Variants in TFF1 observed in about 807,000 individuals in gnomAD.
The protein encoded by TFF1 is trefoil factor 1.
In TFF1, 8 loss-of-function variants were observed where a neutral mutation model predicts 7.7. The observed-to-expected ratio is 1.04, with a 90% confidence interval of 0.61 to 1.87. The LOEUF is 1.87. TFF1 is among the 40% of genes most tolerant of loss of function. The pLI is 0.00. For missense variants in TFF1, 120 were observed against 113.4 expected (o/e 1.06, Z -0.26); for synonymous variants, 47 against 44.8 (o/e 1.05, Z -0.19).
chr21:42,362,377 G>A lies in TFF1; in HGVS notation c.*102C>T, dbSNP rs546875467. ...TGAGCCGAGGCACAGCTGCAGAAGC[G>A]TGTCTGAGGTGTCCGGTGGAGGTGG... On this transcript the variant is annotated 3_prime_UTR_variant, in exon 3 of 3. Coordinates refer to ENST00000291527, the MANE Select transcript of TFF1 (RefSeq NM_003225.3). 53 of 1,327,690 alleles carry A rather than the reference G, an allele frequency of 4.0e-5. No homozygotes were observed. In the East Asian group the frequency reaches 1.0e-3, roughly 26 times the overall value. The allele number at this position is 1,327,690 out of a possible 1,614,324, so 82.2% of individuals were successfully genotyped here. A position where few individuals can be genotyped will look rare whatever the true frequency, so the allele number is the denominator to read the frequency against.
intron 1 of TFF1, among the ~76,000 whole-genome samples, chr21:42,366,146 A>G (rs746242269): frequency 1.3e-5 from 2 of 152,158 alleles, no homozygotes; most frequent in African/African-American, 2.4e-5. Context: ...GGAGGATTGT[A>G]TAGTCTTCCT....
intron 1 of TFF1, among the ~76,000 whole-genome samples, chr21:42,365,769 A>G (rs974882211): frequency 3.0e-4 from 45 of 152,210 alleles, no homozygotes; most frequent in African/African-American, 9.9e-4. Context: ...ACACTTCCCA[A>G]GGAAGCAAGA....
At chr21:42,362,564 CAAT>C in intron 2 of TFF1, 69 bp from the exon 3 acceptor site, 1 of 1,500,022 alleles carries the variant, frequency 6.7e-7, no homozygotes, top group Non-Finnish European at 8.9e-7. Flanking sequence ...CACATTTAAA[CAAT>C]TACAGAGTTT....
At chr21:42,365,754 T>C (rs1020387763) in intron 1 of TFF1, among the ~76,000 whole-genome samples, 2 of 152,164 alleles carry the variant, frequency 1.3e-5, no homozygotes, top group African/African-American at 4.8e-5. Context: ...GGAGTTGAGA[T>C]GCAAACACTT....
At chr21:42,365,489 A>G (rs535566188) in intron 1 of TFF1, among the ~76,000 whole-genome samples, 2 of 152,162 alleles carry the variant, frequency 1.3e-5, no homozygotes, top group Non-Finnish European at 2.9e-5. Flanking sequence ...ACCCCACAGC[A>G]GAGATCAAGA....
At chr21:42,363,569 C>A (rs560494776) in intron 1 of TFF1, among the ~76,000 whole-genome samples, 162 bp from the exon 2 acceptor site, 3 of 152,342 alleles carry the variant, frequency 2.0e-5, no homozygotes, top group Non-Finnish European at 4.4e-5. Context: ...GTCCTCACAT[C>A]CTGATGTGCA....
rs776244201 is a variant in TFF1 at position 42,363,353 on chromosome 21, G to A, written c.140C>T (p.Thr47Met). Residue 47 changes from threonine to methionine, a missense_variant, in exon 2 of 3, where the codon ACG becomes ATG. Thr to Met is a moderately conservative substitution (Grantham distance 81). Coordinates refer to ENST00000291527, the MANE Select transcript of TFF1 (RefSeq NM_003225.3). ...GCCCTTATTTGCACACTGGGAGGGC[G>A]TGACACCAGGAAAACCACAATTCTG... ...ERQNCGFPGV[T>M]PSQCANKGCC... 4.8e-5 allele frequency: 77 copies of A among 1,614,048 alleles called. No homozygotes were observed. The highest frequency in any genetic ancestry group is 1.2e-4 in the African/African-American group (9 of 74,912).
chr21:42,362,592 C>T, intron 2 of TFF1, 97 bp from the exon 3 acceptor site: 1 of 1,372,116 alleles, frequency 7.3e-7, no homozygotes, highest in Non-Finnish European at 9.9e-7. Context: ...TTTAAAGTAT[C>T]CATAGGCACA....
intron 1 of TFF1, 76 bp downstream of exon 1, chr21:42,366,335 A>T: frequency 8.6e-7 from 1 of 1,165,242 alleles, no homozygotes; most frequent in East Asian, 2.4e-5. Flanking sequence ...AAAAATATGT[A>T]TGTAAAACAG....
Position 42,363,291 on chromosome 21 carries a change from A to T in TFF1, c.202T>A (p.Cys68Ser). Reference sequence around the variant, plus strand: ...ACGTCGATGGTATTAGGATAGAAGCACCAGGGGACCCCACGAACGGTGTCG... The same window carrying T: ...ACGTCGATGGTATTAGGATAGAAGCTCCAGGGGACCCCACGAACGGTGTCG... ...FDDTVRGVPW[C>S]FYPNTIDVPP... Residue 68 changes from cysteine (C) to serine (S), a missense_variant, in exon 2 of 3, where the codon TGC becomes AGC. Transcript: ENST00000291527. The T allele has an allele frequency of 6.2e-7, 1 of 1,614,208 alleles. No individual in the cohort carries two copies.
Position 42,363,275 on chromosome 21 carries a change from G to A in TFF1, c.218C>T (p.Thr73Ile). The A allele has an allele frequency of 6.2e-7, 1 of 1,614,178 alleles. No homozygotes were observed. The highest frequency in any genetic ancestry group is 8.5e-7 in the Non-Finnish European group (1 of 1,180,040). ...CATACCTTCTGGAGGGACGTCGATGGTATTAGGATAGAAGCACCAGGGGAC... is the reference window on the plus strand; with the variant it reads ...CATACCTTCTGGAGGGACGTCGATGATATTAGGATAGAAGCACCAGGGGAC... ...RGVPWCFYPN[T>I]IDVPPEEECE... The change falls in exon 2 of 3, where the codon ACC becomes ATC. Residue 73 changes from threonine to isoleucine, a missense_variant. Physicochemically the swap from Thr to Ile is moderately conservative, Grantham distance 89 (BLOSUM62 -1). Coordinates refer to ENST00000291527, the MANE Select transcript of TFF1 (RefSeq NM_003225.3).
Position 42,363,276 on chromosome 21 carries a change from T to C in TFF1, c.217A>G (p.Thr73Ala). 1 of 1,614,046 alleles carries C rather than the reference T, an allele frequency of 6.2e-7. No homozygotes were observed. The highest frequency in any genetic ancestry group is 8.5e-7 in the Non-Finnish European group (1 of 1,180,022). Residue 73 changes from threonine (T) to alanine (A), a missense_variant, in exon 2 of 3, where the codon ACC becomes GCC. By Grantham distance (58) the Thr-to-Ala change is moderately conservative. Transcript: ENST00000291527. ...ATACCTTCTGGAGGGACGTCGATGGTATTAGGATAGAAGCACCAGGGGACC... is the reference window on the plus strand; with the variant it reads ...ATACCTTCTGGAGGGACGTCGATGGCATTAGGATAGAAGCACCAGGGGACC... ...RGVPWCFYPN[T>A]IDVPPEEECE... is the part of the protein sequence containing the mutation.
chr21:42,364,836 C>T (rs975596860), intron 1 of TFF1, among the ~76,000 whole-genome samples: 7 of 152,198 alleles, frequency 4.6e-5, no homozygotes, highest in African/African-American at 1.4e-4. Flanking sequence ...TGTTCAGCTC[C>T]CGCTGCCCAG....
intron 2 of TFF1, 57 bp from the exon 3 acceptor site, chr21:42,362,552 T>C (rs901265912): frequency 2.0e-6 from 3 of 1,518,434 alleles, no homozygotes; most frequent in African/African-American, 2.8e-5. Context: ...AACATTTTCT[T>C]TCACATTTAA....
At chr21:42,363,438 G>A (rs745803035) in intron 1 of TFF1, 31 bp from the exon 2 acceptor site, 4 of 1,601,846 alleles carry the variant, frequency 2.5e-6, no homozygotes, top group East Asian at 4.5e-5. Context: ...AGCAAAGTAA[G>A]TTGTGGGCTG....
At chr21:42,362,723 C>T (rs2146404381) in intron 2 of TFF1, among the ~76,000 whole-genome samples, 1 of 152,174 alleles carries the variant, frequency 6.6e-6, no homozygotes, top group East Asian at 1.9e-4. Context: ...GTCTGGCCAA[C>T]ATGGTGAAAC....
At chr21:42,365,019 G>A (rs371724361) in intron 1 of TFF1, among the ~76,000 whole-genome samples, 4 of 152,134 alleles carry the variant, frequency 2.6e-5, no homozygotes, top group East Asian at 1.9e-4. Context: ...TTCCAGCCCC[G>A]GTGCTCTGCC....
chr21:42,366,291 G>T, intron 1 of TFF1, 120 bp downstream of exon 1: 1 of 692,084 alleles, frequency 1.4e-6, no homozygotes, highest in Non-Finnish European at 2.4e-6. Context: ...ACTTTTAAGG[G>T]CCTAGAACAG....
chr21:42,365,234 C>T (rs867014658), intron 1 of TFF1, among the ~76,000 whole-genome samples: 91 of 146,182 alleles, frequency 6.2e-4, no homozygotes, highest in African/African-American at 2.0e-3. Context: ...GAGTTTGCCA[C>T]GGCCTCTGTG....
Sources: allele counts gnomAD v4.1 joint callset (sites outside exome capture counted in the v4.1 genomes callset), GRCh38; gene constraint gnomAD v4.1.1; transcripts MANE v1.5; gene names NCBI Gene and HGNC (gene_info 2026-07-23, HGNC 2026-07-21).